The following YY1 variants were observed in gnomAD, a reference collection of about 807,000 sequenced individuals.
YY1 encodes the protein transcriptional repressor protein YY1.
A neutral mutation model predicts 35.6 loss-of-function variants in YY1; 2 were observed. The ratio of observed to expected loss-of-function variants is 0.06; its 90% CI spans 0.02 to 0.18. The LOEUF (loss-of-function observed/expected upper bound fraction) is 0.18. YY1 is among the 10% of genes least tolerant of loss of function. The pLI, the probability that YY1 is intolerant of heterozygous loss-of-function variation, is 1.00. For missense variants in YY1, 322 were observed against 573.4 expected, an observed-to-expected ratio of 0.56 and a Z score of 4.48; for synonymous variants, 268 against 238.9, an observed-to-expected ratio of 1.12 and a Z score of -1.12.
chr14:100,275,623 C>G (rs1230368126), intron 3 of YY1: 1 of 152,226 alleles, frequency 6.6e-6, no homozygotes, highest in Non-Finnish European at 1.5e-5. Flanking sequence ...TGTTTCAATG[C>G]ATGTATACAT....
intron 1 of YY1, among the ~76,000 whole-genome samples, chr14:100,241,011 C>A (rs182859633): frequency 4.1e-4 from 62 of 152,220 alleles, no homozygotes; most frequent in African/African-American, 1.5e-3. Context: ...CTACTTTTAA[C>A]GAAGGCCTGA....
intron 1 of YY1, among the ~76,000 whole-genome samples, chr14:100,254,547 T>C (rs2139580266): frequency 6.6e-6 from 1 of 152,268 alleles, no homozygotes; most frequent in South Asian, 2.1e-4. Context: ...AAACTCTACC[T>C]CCCAGGTTCA....
chr14:100,245,699 C>T (rs1196469926), intron 1 of YY1, among the ~76,000 whole-genome samples: 6 of 151,934 alleles, frequency 3.9e-5, no homozygotes, highest in South Asian at 4.2e-4. Flanking sequence ...CTCCACCTCC[C>T]GGGTTCACGA....
chr14:100,251,651 T>A (rs568273034), intron 1 of YY1, among the ~76,000 whole-genome samples: 1,839 of 152,288 alleles, frequency 0.012, 47 homozygotes, highest in African/African-American at 0.042. Context: ...AAGGGGCTTT[T>A]TTTGCACACT....
At chr14:100,251,684 A>G (rs6575767) in intron 1 of YY1, among the ~76,000 whole-genome samples, 100,525 of 152,120 alleles carry the variant, frequency 0.66, 33,749 homozygotes, top group South Asian at 0.81. Flanking sequence ...AGACATGATG[A>G]TTGGCATTTA....
chr14:100,274,114 T>G (rs1426888231), intron 2 of YY1, among the ~76,000 whole-genome samples: 1 of 152,216 alleles, frequency 6.6e-6, no homozygotes, highest in Non-Finnish European at 1.5e-5. Context: ...TCCAGAGATA[T>G]TTGATATTTA....
intron 2 of YY1, among the ~76,000 whole-genome samples, chr14:100,264,906 T>G (rs549647810): frequency 3.9e-5 from 6 of 151,906 alleles, no homozygotes; most frequent in African/African-American, 1.4e-4. Context: ...GCCAGGAGTT[T>G]GAGACCAGCC....
chr14:100,266,769 A>G (rs976439109), intron 2 of YY1, among the ~76,000 whole-genome samples: 3 of 152,200 alleles, frequency 2.0e-5, no homozygotes, highest in African/African-American at 7.2e-5. Flanking sequence ...CAATAAAACA[A>G]TGCTTTGAGA....
chr14:100,256,156 A>G (rs1318901582), intron 1 of YY1, among the ~76,000 whole-genome samples: 2 of 135,052 alleles, frequency 1.5e-5, no homozygotes, highest in African/African-American at 5.5e-5. Context: ...AAAAAAAAAC[A>G]TCTATATGCC....
In YY1 at chr14:100,279,671, T is replaced by C. The variant is rs1489424673; in HGVS notation, c.*2071T>C. ...TTTGACTTGGACCTGGGCAGCGTCT[T>C]CTATGGATGCCTGCCTTGTGAGCAC... On this transcript the variant is annotated 3_prime_UTR_variant, in exon 5 of 5. Coordinates refer to ENST00000262238, the MANE Select transcript of YY1 (RefSeq NM_003403.5). 1 of 152,328 alleles carries C rather than the reference T, an allele frequency of 6.6e-6. No individual in the cohort carries two copies. The highest frequency in any genetic ancestry group is 1.5e-5 in the Non-Finnish European group (1 of 68,120). The allele number at this position is 152,328 out of a possible 1,614,324, so 9.4% of individuals were successfully genotyped here.
chr14:100,276,430 G>A lies in YY1; in HGVS notation c.904-60G>A. Reference sequence around the variant, plus strand: ...AATATGTCAGTAAAGGCTGTTAAATGGTTGAATCCTTTCTAACAGTTTGCA... The same window carrying A: ...AATATGTCAGTAAAGGCTGTTAAATAGTTGAATCCTTTCTAACAGTTTGCA... On this transcript the variant is annotated intron_variant, in intron 3 of 4. Transcript: ENST00000262238. This position sits in a 1 kb window ranked among gnomAD's most constrained non-coding sequence, Gnocchi z 4.1. 1 of 1,611,530 alleles carries A rather than the reference G, an allele frequency of 6.2e-7. No individual in the cohort carries two copies. Among genetic ancestry groups the A allele is most frequent in the Non-Finnish European group, 8.5e-7 (1 of 1,177,872 alleles).
intron 1 of YY1, among the ~76,000 whole-genome samples, chr14:100,260,840 T>TGCAGTGAC (rs142053730): frequency 1.6e-5 from 2 of 123,628 alleles, no homozygotes; most frequent in Non-Finnish European, 1.6e-5. Context: ...AGACTGAAGT[T>TGCAGTGAC]GCAGTGACGC....
intron 1 of YY1, among the ~76,000 whole-genome samples, chr14:100,249,721 A>G (rs1440107548): frequency 6.6e-6 from 1 of 150,486 alleles, no homozygotes; most frequent in Non-Finnish European, 1.5e-5. Context: ...TCAATTCTCA[A>G]TTCAAATCTC....
chr14:100,240,053 C>A, intron 1 of YY1, 130 bp downstream of exon 1: 1 of 759,134 alleles, frequency 1.3e-6, no homozygotes, highest in Non-Finnish European at 1.7e-6. Context: ...GATGGCGGGC[C>A]GTGCGGCGGC....
chr14:100,262,595 GCAGT>G (rs1224948744), intron 2 of YY1, 129 bp downstream of exon 2: 6 of 1,043,524 alleles, frequency 5.7e-6, no homozygotes, highest in South Asian at 1.5e-5. Flanking sequence ...GAAAACAAAA[GCAGT>G]CAGTTTTATT....
intron 1 of YY1, among the ~76,000 whole-genome samples, chr14:100,249,286 A>C (rs1215383251): frequency 6.6e-6 from 1 of 150,832 alleles, no homozygotes; most frequent in Non-Finnish European, 1.5e-5. Flanking sequence ...ACACCCAGCT[A>C]ATTTTTGTAC....
chr14:100,242,163 C>A (rs550702314), intron 1 of YY1, among the ~76,000 whole-genome samples: 2 of 152,114 alleles, frequency 1.3e-5, no homozygotes, highest in Non-Finnish European at 2.9e-5. Flanking sequence ...AGAAAACCGA[C>A]ATATTTTTAC....
At chr14:100,266,670 C>T (rs985258373) in intron 2 of YY1, among the ~76,000 whole-genome samples, 9 of 152,002 alleles carry the variant, frequency 5.9e-5, no homozygotes, top group Non-Finnish European at 1.2e-4. Context: ...GGCTGAAGAA[C>T]CCAAAAGTTT....
intron 2 of YY1, among the ~76,000 whole-genome samples, chr14:100,267,088 A>G (rs1357823487): frequency 1.3e-5 from 2 of 152,178 alleles, no homozygotes; most frequent in Non-Finnish European, 2.9e-5. Context: ...TAGAGTGAGT[A>G]AGAAGCTTGG....
Sources: gnomAD v4.1 joint callset for allele counts (sites outside exome capture counted in the v4.1 genomes callset) on GRCh38, gnomAD v4.1.1 for gene constraint, Gnocchi (gnomAD v3.1) non-coding constraint, MANE v1.5 for transcripts, NCBI Gene and HGNC (gene_info 2026-07-23, HGNC 2026-07-21) for gene names.